Variants in EIF3M observed in about 807,000 individuals in gnomAD.
The protein encoded by EIF3M is eukaryotic translation initiation factor 3 subunit M.
Under a neutral mutation model 49.7 loss-of-function variants are expected in EIF3M, and 25 were observed. That is an observed-to-expected ratio of 0.50 (90% CI 0.37 to 0.70). EIF3M has a LOEUF of 0.70. Among genes scored for constraint, EIF3M ranks in the 30% least tolerant of loss-of-function variants. EIF3M has a pLI of 0.00. For synonymous variants in EIF3M, 156 were observed against 149.8 expected (o/e 1.04, Z -0.30); for missense variants, 350 against 440.0 (o/e 0.80, Z 1.83).
At chr11:32,595,106 G>A (rs1855160164) in intron 7 of EIF3M, 93 bp downstream of exon 7, 2 of 1,058,758 alleles carry the variant, frequency 1.9e-6, no homozygotes, top group Non-Finnish European at 1.4e-6. Context: ...TAATAAAAGT[G>A]ACTAATGGCA....
chr11:32,592,818 A>G (rs917483363), intron 5 of EIF3M: 11 of 372,670 alleles, frequency 3.0e-5, no homozygotes, highest in African/African-American at 2.1e-4. Flanking sequence ...ACAGGGTCTG[A>G]CCATGTTGCC....
intron 8 of EIF3M, among the ~76,000 whole-genome samples, chr11:32,596,557 T>C (rs146923714): frequency 0.021 from 3,026 of 143,718 alleles, 116 homozygotes; most frequent in African/African-American, 0.074. Context: ...GCCAAGACTG[T>C]GCCACTGCAC....
chr11:32,602,522 A>G lies in EIF3M; in HGVS notation c.*123A>G, dbSNP rs1370392352. The G allele has an allele frequency of 5.1e-6, 6 of 1,171,338 alleles. No homozygotes were observed. Among genetic ancestry groups the G allele is most frequent in the Non-Finnish European group, 7.0e-6 (6 of 854,426 alleles). 72.6% of individuals were successfully genotyped at this position (1,171,338 alleles called of 1,614,324 possible). The stretch of plus-strand genomic sequence containing the variant: ...GTCTCAAATTTATACTAAAATCACA[A>G]ACTCCAGAGGATATGAAGTAATAAA... On this transcript the variant is annotated 3_prime_UTR_variant, in exon 11 of 11. Coordinates refer to ENST00000531120, the MANE Select transcript of EIF3M (RefSeq NM_006360.6).
Position 32,604,846 on chromosome 11 carries a change from A to G in EIF3M, c.*2447A>G, listed in dbSNP as rs201896. 0.25 allele frequency: 37,389 copies of G among 151,894 alleles called. 4,722 individuals carry two copies. The highest frequency in any genetic ancestry group is 0.28 in the Middle Eastern group (83 of 294). The allele number at this position is 151,894 out of a possible 1,614,324, so 9.4% of individuals were successfully genotyped here. The stretch of plus-strand genomic sequence containing the variant: ...CATTTTCAGTGTTAGATTATGTAGT[A>G]CTAAGTTTATTTTATTTTATTTTTG... On this transcript the variant is annotated 3_prime_UTR_variant, in exon 11 of 11. Coordinates refer to ENST00000531120, the MANE Select transcript of EIF3M (RefSeq NM_006360.6).
rs570070700 is a variant in EIF3M, at chr11:32,595,281, G to A, written c.717+268G>A. Among the ~76,000 whole-genome samples, 455 of 151,152 alleles carry A rather than the reference G, an allele frequency of 3.0e-3. 1 individual carries two copies. Among genetic ancestry groups the A allele is most frequent in the African/African-American group, 0.01 (416 of 41,156 alleles). On this transcript the variant is annotated intron_variant, in intron 7 of 10. Coordinates refer to ENST00000531120, the MANE Select transcript of EIF3M (RefSeq NM_006360.6). ...TCACTCTGTCACCAGGCTGGAGTGC[G>A]GTGGCATGATCTTGGCTCACTGCAA...
chr11:32,590,035 TCTTG>T (rs1855076054), intron 5 of EIF3M, among the ~76,000 whole-genome samples: 1 of 152,176 alleles, frequency 6.6e-6, no homozygotes, highest in African/African-American at 2.4e-5. Context: ...ATGTCCTTCC[TCTTG>T]CTTATCACAC....
At position 32,602,400 on chromosome 11, in the gene EIF3M, G is replaced by A. The variant is rs753447122; in HGVS notation, c.*1G>A. On this transcript the variant is annotated 3_prime_UTR_variant, in exon 11 of 11. Transcript: ENST00000531120. ...CCTTTTGAGTCTTTCTGATACCTGAGTTTTTATGCTTATAATTTTTGTTCT... is the reference window on the plus strand; with the variant it reads ...CCTTTTGAGTCTTTCTGATACCTGAATTTTTATGCTTATAATTTTTGTTCT... 2 of 1,605,538 alleles carry A rather than the reference G, an allele frequency of 1.2e-6. No individual in the cohort carries two copies. The highest frequency in any genetic ancestry group is 8.5e-7 in the Non-Finnish European group (1 of 1,176,496).
intron 6 of EIF3M, 110 bp downstream of exon 6, chr11:32,594,059 AT>A: frequency 1.6e-6 from 1 of 631,188 alleles, no homozygotes. Flanking sequence ...ATCCAGAGCC[AT>A]TTGATAGTGT....
At chr11:32,585,543 T>G (rs1012875889) in intron 1 of EIF3M, among the ~76,000 whole-genome samples, 3 of 152,212 alleles carry the variant, frequency 2.0e-5, no homozygotes, top group African/African-American at 7.2e-5. Context: ...CACAACCACT[T>G]GTGGCAGTGA....
chr11:32,584,451 C>G (rs543021759), intron 1 of EIF3M, among the ~76,000 whole-genome samples: 259 of 151,824 alleles, frequency 1.7e-3, no homozygotes, highest in African/African-American at 5.9e-3. Context: ...ATTAAAAATA[C>G]AAAAAAATTA....
chr11:32,590,676 C>T (rs1855086317), intron 5 of EIF3M, among the ~76,000 whole-genome samples: 1 of 152,184 alleles, frequency 6.6e-6, no homozygotes, highest in African/African-American at 2.4e-5. Flanking sequence ...TTCTGACATT[C>T]TGCCAATCTA....
chr11:32,601,874 G>A lies in EIF3M; in HGVS notation c.1004+52G>A, dbSNP rs754774721. 1.1e-5 allele frequency: 17 copies of A among 1,570,144 alleles called. No individual in the cohort carries two copies. In the East Asian group the frequency reaches 1.4e-4, roughly 12 times the overall value. The stretch of plus-strand genomic sequence containing the variant: ...TTTATAGAACGATTTAGTTTGTTCC[G>A]ATTATTTCACTTAAATGTTTAGAGA... On this transcript the variant is annotated intron_variant, in intron 10 of 10. Transcript: ENST00000531120.
chr11:32,604,503 A>AGAG lies in EIF3M; in HGVS notation c.*2105_*2107dup, dbSNP rs1465542203. 2 of 152,230 alleles carry AGAG rather than the reference A, an allele frequency of 1.3e-5. No individual in the cohort carries two copies. Among genetic ancestry groups the AGAG allele is most frequent in the African/African-American group, 4.8e-5 (2 of 41,472 alleles). 9.4% of individuals were successfully genotyped at this position (152,230 alleles called of 1,614,324 possible). On this transcript the variant is annotated 3_prime_UTR_variant, in exon 11 of 11. Coordinates refer to ENST00000531120, the MANE Select transcript of EIF3M (RefSeq NM_006360.6). ...CACCCAAGATCCCAACCACCATTAA[A>AGAG]GAGTTTGTGTAAATCTTCTGGTCTC...
At chr11:32,597,424 A>G (rs1855197523) in intron 8 of EIF3M, among the ~76,000 whole-genome samples, 1 of 152,162 alleles carries the variant, frequency 6.6e-6, no homozygotes, top group South Asian at 2.1e-4. Context: ...GATCTGAAAG[A>G]TGGAATTAGA....
chr11:32,591,738 TCTC>T (rs1338552404), intron 5 of EIF3M: 3 of 181,516 alleles, frequency 1.7e-5, no homozygotes, highest in Non-Finnish European at 2.4e-5. Context: ...TTTTCTGACT[TCTC>T]CTTGCTTGCA....
intron 5 of EIF3M, among the ~76,000 whole-genome samples, chr11:32,590,881 T>G (rs1055480243): frequency 6.6e-6 from 1 of 151,968 alleles, no homozygotes; most frequent in Non-Finnish European, 1.5e-5. Context: ...GATGGAGTCT[T>G]GCTCTGTCGC....
intron 6 of EIF3M, 111 bp downstream of exon 6, chr11:32,594,060 T>C: frequency 1.6e-6 from 1 of 619,432 alleles, no homozygotes; most frequent in Middle Eastern, 2.7e-4. Flanking sequence ...TCCAGAGCCA[T>C]TTGATAGTGT....
chr11:32,595,998 A>C lies in EIF3M; in HGVS notation c.750A>C (p.Ala250=), dbSNP rs143517336. ...CCATTTTTGTGAGTGCTAAATTGGCATCATATGTCAAGTTTTATCAGAATA... is the reference window on the plus strand; with the variant it reads ...CCATTTTTGTGAGTGCTAAATTGGCCTCATATGTCAAGTTTTATCAGAATA... ...LLTIFVSAKL[A]SYVKFYQNNK... is the part of the protein sequence containing the mutation. The change falls in exon 8 of 11, where the codon GCA becomes GCC. Residue 250 remains alanine (A), a synonymous_variant. Coordinates refer to ENST00000531120, the MANE Select transcript of EIF3M (RefSeq NM_006360.6). 3 of 1,567,424 alleles carry C rather than the reference A, an allele frequency of 1.9e-6. No individual in the cohort carries two copies. Among genetic ancestry groups the C allele is most frequent in the Non-Finnish European group, 2.6e-6 (3 of 1,165,790 alleles).
At chr11:32,602,206 ATCTG>A in intron 10 of EIF3M, 69 bp from the exon 11 acceptor site, 1 of 1,571,394 alleles carries the variant, frequency 6.4e-7, no homozygotes. Flanking sequence ...CTGGATTCAA[ATCTG>A]TAGTATTATA....
Sources: gnomAD v4.1 joint callset for allele counts (sites outside exome capture counted in the v4.1 genomes callset) on GRCh38, gnomAD v4.1.1 for gene constraint, MANE v1.5 for transcripts, NCBI Gene and HGNC (gene_info 2026-07-23, HGNC 2026-07-21) for gene names.